S100A8: variants seen among roughly 807,000 people sequenced by gnomAD.
S100A8 encodes S100 calcium binding protein A8, also known as protein S100-A8.
In S100A8, 1 loss-of-function variant was observed where a neutral mutation model predicts 4.2. The observed-to-expected ratio is 0.24, with a 90% CI of 0.08 to 1.12. S100A8 has a LOEUF of 1.12. Ranked by LOEUF, S100A8 falls within the 50% of genes most tolerant of loss-of-function variation. The pLI is 0.53. For synonymous variants in S100A8, 41 were observed against 44.7 expected (o/e 0.92, Z 0.33); for missense variants, 96 against 111.8 (o/e 0.86, Z 0.64).
At chr1:153,404,589 G>C in the S100A8 span, among the ~76,000 whole-genome samples, 1 of 152,200 alleles carries the variant, frequency 6.6e-6, no homozygotes, top group Non-Finnish European at 1.5e-5. Context: ...GGGATTCCAT[G>C]TGTATAGGCA....
chr1:153,398,920 C>T, the S100A8 span, among the ~76,000 whole-genome samples: 1 of 152,346 alleles, frequency 6.6e-6, no homozygotes, highest in African/African-American at 2.4e-5. Context: ...GCTTTCAGTT[C>T]CAGTCCTACA....
chr1:153,401,963 A>G, the S100A8 span, among the ~76,000 whole-genome samples: 15 of 152,288 alleles, frequency 9.8e-5, no homozygotes, highest in Middle Eastern at 6.8e-3. Flanking sequence ...TATCCCAGTC[A>G]ACAGCCTCAA....
chr1:153,399,862 G>A, the S100A8 span, among the ~76,000 whole-genome samples: 5 of 152,228 alleles, frequency 3.3e-5, no homozygotes, highest in Non-Finnish European at 4.4e-5. Context: ...ATATGGCACA[G>A]GCAAAGGCCC....
the S100A8 span, among the ~76,000 whole-genome samples, chr1:153,412,492 G>A: frequency 7.9e-5 from 12 of 152,276 alleles, no homozygotes; most frequent in East Asian, 1.9e-4. Flanking sequence ...CAGATGCTGG[G>A]GAGGATGTGG....
chr1:153,412,545 A>G, the S100A8 span, among the ~76,000 whole-genome samples: 4 of 152,244 alleles, frequency 2.6e-5, no homozygotes, highest in Non-Finnish European at 5.9e-5. Context: ...ACTGTAAACT[A>G]GTTCAACCAT....
At chr1:153,390,345 C>A (rs1557847448) in intron 2 of S100A8, 50 bp downstream of exon 2, 3 of 1,605,576 alleles carry the variant, frequency 1.9e-6, no homozygotes, top group African/African-American at 1.3e-5. Flanking sequence ...TGGCCCAGGG[C>A]AGCCCCAGGA....
At chr1:153,400,456 A>G in the S100A8 span, among the ~76,000 whole-genome samples, 145 of 152,214 alleles carry the variant, frequency 9.5e-4, no homozygotes, top group African/African-American at 3.3e-3. Flanking sequence ...CTCCCTTGGG[A>G]GGGCCTGCAC....
At chr1:153,404,848 G>C in the S100A8 span, among the ~76,000 whole-genome samples, 3 of 152,010 alleles carry the variant, frequency 2.0e-5, no homozygotes, top group African/African-American at 7.3e-5. Context: ...ACCTACAGAA[G>C]GGCGGGAACC....
the S100A8 span, among the ~76,000 whole-genome samples, chr1:153,402,174 A>G: frequency 2.0e-5 from 3 of 152,196 alleles, no homozygotes; most frequent in African/African-American, 7.2e-5. Context: ...GAAGATGATT[A>G]ACAGTATTAA....
At chr1:153,403,496 T>C in the S100A8 span, among the ~76,000 whole-genome samples, 1 of 152,210 alleles carries the variant, frequency 6.6e-6, no homozygotes, top group African/African-American at 2.4e-5. Context: ...ACACGACTCT[T>C]GCTCAAAACA....
the S100A8 span, among the ~76,000 whole-genome samples, chr1:153,414,753 A>G: frequency 6.6e-6 from 1 of 152,184 alleles, no homozygotes; most frequent in Non-Finnish European, 1.5e-5. Flanking sequence ...CAGAAATCAC[A>G]CTCTTCGGGA....
At chr1:153,419,204 T>C in the S100A8 span, 2 of 1,614,082 alleles carry the variant, frequency 1.2e-6, no homozygotes, top group Non-Finnish European at 1.7e-6. Flanking sequence ...AGAATGAGGA[T>C]AAGAAGATTG....
the S100A8 span, among the ~76,000 whole-genome samples, chr1:153,404,595 A>G: frequency 6.6e-6 from 1 of 152,370 alleles, no homozygotes; most frequent in East Asian, 1.9e-4. Context: ...CCATGTGTAT[A>G]GGCATCAAGA....
chr1:153,418,315 C>G, the S100A8 span: 3 of 1,526,482 alleles, frequency 2.0e-6, no homozygotes, highest in African/African-American at 4.1e-5. Flanking sequence ...TCACCCTCAT[C>G]CTCTGATTAA....
the S100A8 span, among the ~76,000 whole-genome samples, chr1:153,410,279 A>G: frequency 2.0e-5 from 3 of 152,228 alleles, no homozygotes; most frequent in Non-Finnish European, 4.4e-5. Context: ...TAGACGCAAT[A>G]AAAAATGACA....
chr1:153,393,597 A>G (rs1259075886), upstream of S100A8, among the ~76,000 whole-genome samples: 1 of 152,220 alleles, frequency 6.6e-6, no homozygotes, highest in Non-Finnish European at 1.5e-5. Context: ...TTCCTTGACA[A>G]AAGATGAATC....
At chr1:153,400,687 C>T in the S100A8 span, among the ~76,000 whole-genome samples, 1 of 152,298 alleles carries the variant, frequency 6.6e-6, no homozygotes, top group South Asian at 2.1e-4. Context: ...AAACTAAAAA[C>T]ATGGCTTGAA....
At chr1:153,394,542 T>G (rs1662172483), upstream of S100A8, among the ~76,000 whole-genome samples, 1 of 152,044 alleles carries the variant, frequency 6.6e-6, no homozygotes, top group Non-Finnish European at 1.5e-5. Flanking sequence ...AGGTCCTGTC[T>G]CGGCGGAGAG....
the S100A8 span, among the ~76,000 whole-genome samples, chr1:153,399,020 T>C: frequency 6.6e-6 from 1 of 152,210 alleles, no homozygotes; most frequent in South Asian, 2.1e-4. Context: ...CTCTGCTTTT[T>C]AGAACCTGCA....
Sources: allele counts gnomAD v4.1 joint callset (sites outside exome capture counted in the v4.1 genomes callset), GRCh38; gene constraint gnomAD v4.1.1; transcripts MANE v1.5; gene names NCBI Gene and HGNC (gene_info 2026-07-23, HGNC 2026-07-21).